TANC2: variants seen among roughly 807,000 people sequenced by gnomAD.
TANC2 encodes the protein protein TANC2.
Under a neutral mutation model 210.5 loss-of-function variants are expected in TANC2, and 26 were observed. The ratio of observed to expected loss-of-function variants is 0.12; its 90% CI spans 0.09 to 0.17. TANC2 has a LOEUF of 0.17. Among genes scored for constraint, TANC2 ranks in the 10% least tolerant of loss-of-function variants. The probability of loss-of-function intolerance (pLI) is 1.00; values close to 1 mark genes in which losing one functional copy is unlikely to be tolerated. For synonymous variants in TANC2, 931 were observed against 967.1 expected (o/e 0.96, Z 0.69); for missense variants, 2,129 against 2,608.9 (o/e 0.82, Z 4.01).
At chr17:63,300,032 A>C (rs2044661550) in intron 9 of TANC2, among the ~76,000 whole-genome samples, 1 of 152,172 alleles carries the variant, frequency 6.6e-6, no homozygotes, top group Non-Finnish European at 1.5e-5. Context: ...CCATTTATTA[A>C]ATAAGGAGTC....
chr17:63,201,045 T>A (rs1322067450), intron 7 of TANC2, 88 bp downstream of exon 7: 1 of 1,236,770 alleles, frequency 8.1e-7, no homozygotes, highest in African/African-American at 1.5e-5. Flanking sequence ...AAAATTCTGC[T>A]TTTGAATTGT....
intron 21 of TANC2, 140 bp downstream of exon 21, chr17:63,406,417 C>A: frequency 8.5e-7 from 1 of 1,170,312 alleles, no homozygotes; most frequent in Non-Finnish European, 1.2e-6. Context: ...TATCTCCTCC[C>A]CTCTTGTATT....
At chr17:63,104,350 C>T (rs986151743) in intron 4 of TANC2, among the ~76,000 whole-genome samples, 4 of 152,012 alleles carry the variant, frequency 2.6e-5, no homozygotes, top group Non-Finnish European at 5.9e-5. Context: ...TCAACTCTTA[C>T]GGAATTTATA....
At chr17:63,052,505 A>C (rs1246834033) in intron 2 of TANC2, among the ~76,000 whole-genome samples, 1 of 152,164 alleles carries the variant, frequency 6.6e-6, no homozygotes, top group East Asian at 1.9e-4. Flanking sequence ...GTGCTACCAT[A>C]GTATAGGGGA....
intron 5 of TANC2, among the ~76,000 whole-genome samples, chr17:63,158,378 C>G (rs1000262818): frequency 6.6e-6 from 1 of 152,160 alleles, no homozygotes; most frequent in African/African-American, 2.4e-5. Context: ...TACTATTACA[C>G]ATTTACTTCT....
At chr17:63,165,055 G>A (rs1317592863) in intron 5 of TANC2, among the ~76,000 whole-genome samples, 3 of 152,122 alleles carry the variant, frequency 2.0e-5, no homozygotes, top group Admixed American at 1.3e-4. Context: ...GCTGAGGTGG[G>A]AGAATCGCTT....
chr17:63,376,035 C>T lies in TANC2; in HGVS notation c.2583-3683C>T, dbSNP rs1299508784. Reference sequence around the variant, plus strand: ...GTGGGAAGTGGAGGTTGCAGTGAGCCGAGATCACACCACTGCACTCCAGCC... The same window carrying T: ...GTGGGAAGTGGAGGTTGCAGTGAGCTGAGATCACACCACTGCACTCCAGCC... On this transcript the variant is annotated intron_variant, in intron 14 of 27. Transcript: ENST00000689528. Among the ~76,000 whole-genome samples the T allele has an allele frequency of 5.9e-5, 9 of 151,462 alleles. No individual in the cohort carries two copies. In the East Asian group the frequency reaches 7.8e-4, roughly 13 times the overall value.
chr17:63,151,457 A>G, intron 5 of TANC2, 77 bp downstream of exon 5: 1 of 627,218 alleles, frequency 1.6e-6, no homozygotes, highest in Non-Finnish European at 2.0e-6. Context: ...AGTGTTTTGC[A>G]TGTATACTAC....
chr17:62,972,291 G>T (rs1273403038), intron 1 of TANC2, among the ~76,000 whole-genome samples: 2 of 152,152 alleles, frequency 1.3e-5, no homozygotes, highest in African/African-American at 4.8e-5. Context: ...GTTTGCTCTT[G>T]AATAGTTAAA....
At chr17:63,148,096 A>G (rs1209452160) in intron 4 of TANC2, 1 of 152,202 alleles carries the variant, frequency 6.6e-6, no homozygotes, top group Non-Finnish European at 1.5e-5. Context: ...CAAACACAGA[A>G]AGGTTCTTAC....
intron 2 of TANC2, among the ~76,000 whole-genome samples, chr17:63,037,526 T>C (rs979678604): frequency 6.6e-6 from 1 of 152,042 alleles, no homozygotes; most frequent in South Asian, 2.1e-4. Flanking sequence ...AACATATATA[T>C]ATATAGGCTG....
chr17:63,372,171 A>C (rs1350399912), intron 14 of TANC2, among the ~76,000 whole-genome samples: 1 of 152,222 alleles, frequency 6.6e-6, no homozygotes, highest in Non-Finnish European at 1.5e-5. Flanking sequence ...TCTGGTCTAC[A>C]TGAGAAATTT....
rs536950644 is a variant in TANC2 at position 63,374,271 on chromosome 17, C to T, written c.2583-5447C>T. ...CAGGCTAGTCTTGGACTCCTGGACT[C>T]GAGCGACCCTCCCACCTTGGCCTCC... On this transcript the variant is annotated intron_variant, in intron 14 of 27. Transcript: ENST00000689528. 1.9e-3 allele frequency among the ~76,000 whole-genome samples: 287 copies of T among 152,158 alleles called. 1 individual carries two copies. Among genetic ancestry groups the T allele is most frequent in the African/African-American group, 6.6e-3 (274 of 41,496 alleles).
chr17:63,327,271 G>A (rs1445430191), intron 11 of TANC2, among the ~76,000 whole-genome samples: 1 of 152,228 alleles, frequency 6.6e-6, no homozygotes, highest in African/African-American at 2.4e-5. Context: ...TACGTTGTTG[G>A]TGGGAATGTA....
intron 2 of TANC2, among the ~76,000 whole-genome samples, chr17:63,046,277 A>G (rs186592586): frequency 1.1e-3 from 153 of 142,738 alleles, no homozygotes; most frequent in African/African-American, 4.1e-3. Flanking sequence ...CTCCTGCCTC[A>G]GCCTTCTAAG....
intron 5 of TANC2, among the ~76,000 whole-genome samples, chr17:63,172,270 C>T (rs943682983): frequency 6.6e-5 from 10 of 151,540 alleles, no homozygotes; most frequent in Non-Finnish European, 1.0e-4. Flanking sequence ...CAACCCCCGC[C>T]TCTCAGGTTC....
In TANC2 at chr17:62,998,102, C is replaced by G. The variant is rs369692796; in HGVS notation, c.-23-11435C>G. Among the ~76,000 whole-genome samples the G allele has an allele frequency of 1.4e-3, 207 of 152,238 alleles. 1 individual carries two copies. Among genetic ancestry groups the G allele is most frequent in the African/African-American group, 4.8e-3 (200 of 41,548 alleles). ...AGTGATTGCATAGAGCTGAAAAACT[C>G]ACTTCAATAATTTCATAATACAATT... On this transcript the variant is annotated intron_variant, in intron 1 of 27. Coordinates refer to ENST00000689528, the Ensembl canonical transcript of TANC2.
Position 63,236,134 on chromosome 17 carries a change from A to G in TANC2, c.770-1680A>G, listed in dbSNP as rs957468184. Among the ~76,000 whole-genome samples the G allele has an allele frequency of 1.9e-4, 29 of 152,062 alleles. 1 individual carries two copies. The highest frequency in any genetic ancestry group is 1.7e-3 in the Admixed American group (26 of 15,274). ...ATATTAGAAGCAAGGAAATAAATTT[A>G]AATGAGGAAAAGAACAGAATAAAAA... On this transcript the variant is annotated intron_variant, in intron 7 of 27. Transcript: ENST00000689528.
chr17:63,086,666 G>A (rs1478324279), intron 3 of TANC2, among the ~76,000 whole-genome samples: 1 of 152,020 alleles, frequency 6.6e-6, no homozygotes, highest in Admixed American at 6.6e-5. Flanking sequence ...TTTATAGCAG[G>A]GTGTTTAATC....
Sources: allele counts gnomAD v4.1 joint callset (sites outside exome capture counted in the v4.1 genomes callset), GRCh38; gene constraint gnomAD v4.1.1; transcripts MANE v1.5; gene names NCBI Gene and HGNC (gene_info 2026-07-23, HGNC 2026-07-21).